Variants in ITGA7 observed in about 807,000 individuals in gnomAD.
The protein encoded by ITGA7 is integrin alpha-7.
Under a neutral mutation model 131.6 loss-of-function variants are expected in ITGA7, and 84 were observed. That is an observed-to-expected ratio of 0.64 (90% CI 0.54 to 0.77). The LOEUF is 0.77. ITGA7 is among the 30% of genes least tolerant of loss of function. The pLI is 0.00. For synonymous variants in ITGA7, 548 were observed against 600.7 expected, an observed-to-expected ratio of 0.91 and a Z score of 1.28; for missense variants, 1,399 against 1,482.9, an observed-to-expected ratio of 0.94 and a Z score of 0.93.
intron 4 of ITGA7, chr12:55,700,208 CAA>C: frequency 1.3e-6 from 2 of 1,561,898 alleles, no homozygotes; most frequent in Non-Finnish European, 8.7e-7. Flanking sequence ...AGAGAGAGGA[CAA>C]GAGAGAGGAG....
chr12:55,710,087 G>A (rs746293071), upstream of ITGA7, among the ~76,000 whole-genome samples: 16 of 152,200 alleles, frequency 1.1e-4, no homozygotes, highest in African/African-American at 2.7e-4. Context: ...GGGGCCGGGC[G>A]CGGTGGCTCA....
upstream of ITGA7, chr12:55,707,926 C>A: frequency 7.2e-7 from 1 of 1,383,806 alleles, no homozygotes; most frequent in South Asian, 1.5e-5. Context: ...CCTCCTCTCC[C>A]GGGGACGCCA....
Position 55,698,367 on chromosome 12 carries a change from C to A in ITGA7, c.1192+16G>T. 6.3e-7 allele frequency: 1 copy of A among 1,599,720 alleles called. No homozygotes were observed. Among genetic ancestry groups the A allele is most frequent in the African/African-American group, 1.3e-5 (1 of 74,370 alleles). On this transcript the variant is annotated intron_variant, in intron 7 of 24. Coordinates refer to ENST00000257879, the MANE Select transcript of ITGA7 (RefSeq NM_002206.3). ...TGGCCCCTCCCTCCCTGAGCCTTTC[C>A]AGTTCCCCGTCACACCTGGAAAGCC... is the stretch of plus-strand genomic sequence containing the variant.
chr12:55,698,020 G>A lies in ITGA7; in HGVS notation c.1199C>T (p.Ala400Val), dbSNP rs187755162. The A allele has an allele frequency of 1.8e-5, 29 of 1,613,816 alleles. No individual in the cohort carries two copies. The highest frequency in any genetic ancestry group is 2.5e-5 in the Non-Finnish European group (29 of 1,179,864). ...DLNQDGFPDI[A>V]VGAPFDGDGK... ...ATCACCATCAAAGGGGGCACCCACTGCAATATCTGCAGGGCACAGGGAAAA... is the reference window on the plus strand; with the variant it reads ...ATCACCATCAAAGGGGGCACCCACTACAATATCTGCAGGGCACAGGGAAAA... The change falls in exon 8 of 25, where the codon GCA becomes GTA. Residue 400 changes from alanine to valine, a missense_variant. Coordinates refer to ENST00000257879, the MANE Select transcript of ITGA7 (RefSeq NM_002206.3).
Position 55,688,109 on chromosome 12 carries a change from G to A in ITGA7, c.3058-13C>T, listed in dbSNP as rs1416285287. 2 of 1,613,994 alleles carry A rather than the reference G, an allele frequency of 1.2e-6. No homozygotes were observed. Among genetic ancestry groups the A allele is most frequent in the Admixed American group, 3.3e-5 (2 of 59,994 alleles). ...CCATCACTGGGATCTGGGGAGCAAG[G>A]GGTCAATGGAGCAAGAGGTCAATGG... is the stretch of plus-strand genomic sequence containing the variant. On this transcript the variant is annotated splice_polypyrimidine_tract_variant and intron_variant, in intron 23 of 24. Transcript: ENST00000257879.
chr12:55,703,742 T>A (rs1592481086), intron 1 of ITGA7, among the ~76,000 whole-genome samples: 1 of 151,958 alleles, frequency 6.6e-6, no homozygotes, highest in Non-Finnish European at 1.5e-5. Context: ...AGACCCCACC[T>A]CCCAGAAGCT....
chr12:55,712,303 A>G (rs1045550186), upstream of ITGA7: 8 of 1,477,376 alleles, frequency 5.4e-6, no homozygotes, highest in Non-Finnish European at 7.4e-6. Context: ...TTCTTTGAGC[A>G]CTGGCTTCAG....
At chr12:55,713,314 T>C (rs141257508), upstream of ITGA7, among the ~76,000 whole-genome samples, 7 of 152,308 alleles carry the variant, frequency 4.6e-5, no homozygotes, top group East Asian at 1.4e-3. Flanking sequence ...ACTCCTCCCC[T>C]GCCAGGATTC....
intron 4 of ITGA7, 45 bp downstream of exon 4, chr12:55,700,854 G>A (rs771060874): frequency 1.9e-6 from 3 of 1,613,408 alleles, no homozygotes; most frequent in Non-Finnish European, 2.5e-6. Context: ...TCTGAGGTAA[G>A]AGGAGGTTTT....
chr12:55,716,320 G>A, upstream of ITGA7: 2 of 1,495,752 alleles, frequency 1.3e-6, no homozygotes, highest in Non-Finnish European at 8.9e-7. Flanking sequence ...ACGGGCATGG[G>A]GGAGAGGGAA....
chr12:55,698,763 G>T lies in ITGA7; in HGVS notation c.945C>A (p.Arg315=). The T allele has an allele frequency of 1.2e-6, 2 of 1,614,140 alleles. No individual in the cohort carries two copies. The highest frequency in any genetic ancestry group is 8.5e-7 in the Non-Finnish European group (1 of 1,180,018). The change falls in exon 6 of 25, where the codon CGC becomes CGA. Residue 315 remains arginine, a synonymous_variant. Coordinates refer to ENST00000257879, the MANE Select transcript of ITGA7 (RefSeq NM_002206.3). Reference sequence around the variant, plus strand: ...GTGAGTAGCCAAAGCCGGAGGTCAGGCGCTCCCCAGACAGCATAACCTCGG... The same window carrying T: ...GTGAGTAGCCAAAGCCGGAGGTCAGTCGCTCCCCAGACAGCATAACCTCGG... The part of the protein sequence containing the change: ...LVPEVMLSGE[R]LTSGFGYSLA...
chr12:55,715,235 A>C (rs1269279093), upstream of ITGA7, among the ~76,000 whole-genome samples: 1 of 152,160 alleles, frequency 6.6e-6, no homozygotes, highest in African/African-American at 2.4e-5. Context: ...AGGGTTGAGA[A>C]CCACCGATTT....
upstream of ITGA7, among the ~76,000 whole-genome samples, chr12:55,709,215 C>T (rs1008191060): frequency 4.6e-5 from 7 of 152,184 alleles, no homozygotes; most frequent in African/African-American, 1.7e-4. Flanking sequence ...CTAGTGTTGT[C>T]TCTGCCCTTC....
At chr12:55,693,048 C>T (rs1023755131) in intron 20 of ITGA7, 73 bp from the exon 21 acceptor site, 1 of 1,612,040 alleles carries the variant, frequency 6.2e-7, no homozygotes, top group African/African-American at 1.3e-5. Flanking sequence ...CTCCTCCCCA[C>T]CGCCTTCCTC....
Position 55,693,304 on chromosome 12 carries a change from C to T in ITGA7, c.2549G>A (p.Gly850Asp). 1 of 1,613,852 alleles carries T rather than the reference C, an allele frequency of 6.2e-7. No homozygotes were observed. The highest frequency in any genetic ancestry group is 8.5e-7 in the Non-Finnish European group (1 of 1,179,944). Reference protein sequence around the residue: ...VKYEVTVSNQGQSLRTLGSAF... With the variant: ...VKYEVTVSNQDQSLRTLGSAF... The stretch of plus-strand genomic sequence containing the variant: ...AGAGCCCAGGGTTCTGAGCGACTGG[C>T]CTTGGTTGGAAACCTGTGGGAAAAA... Residue 850 changes from glycine (G) to aspartate (D), a missense_variant, in exon 20 of 25, where the codon GGC (glycine) becomes GAC (aspartate). Physicochemically the swap from Gly to Asp is moderately conservative, Grantham distance 94. Transcript: ENST00000257879.
upstream of ITGA7, among the ~76,000 whole-genome samples, chr12:55,709,669 C>T (rs182563130): frequency 1.3e-5 from 2 of 151,804 alleles, no homozygotes; most frequent in East Asian, 3.9e-4. Context: ...CTACTGACTC[C>T]CTGCCCAGGT....
chr12:55,696,233 C>T, intron 13 of ITGA7, 50 bp downstream of exon 13: 1 of 1,534,454 alleles, frequency 6.5e-7, no homozygotes, highest in East Asian at 2.4e-5. Flanking sequence ...GGACCATGAT[C>T]TTTGCCCTCC....
intron 22 of ITGA7, 100 bp downstream of exon 22, chr12:55,688,744 G>T (rs1194592744): frequency 9.1e-6 from 8 of 880,200 alleles, no homozygotes; most frequent in East Asian, 2.5e-5. Context: ...AAAGGGGGGG[G>T]ATGCTGCATT....
At position 55,694,918 on chromosome 12, in the gene ITGA7, C is replaced by A. The variant is rs779782773; in HGVS notation, c.2056G>T (p.Gly686Cys). Reference sequence around the variant, plus strand: ...AGGTTGGTGACCATCAGCTCCAGGCCAATGACTGGCTGCCCACTCAGTGCA... The same window carrying A: ...AGGTTGGTGACCATCAGCTCCAGGCAAATGACTGGCTGCCCACTCAGTGCA... ...LFALSGQPVI[G>C]LELMVTNLPS... is the part of the protein sequence containing the mutation. The change falls in exon 15 of 25, where the codon GGC becomes TGC. Residue 686 changes from glycine to cysteine, a missense_variant. Transcript: ENST00000257879. This position sits in a 1 kb window ranked among gnomAD's most constrained non-coding sequence, Gnocchi z 5.3. The A allele has an allele frequency of 1.2e-6, 2 of 1,613,900 alleles. No individual in the cohort carries two copies. The highest frequency in any genetic ancestry group is 2.7e-5 in the African/African-American group (2 of 74,908).
Sources: gnomAD v4.1 joint callset for allele counts (sites outside exome capture counted in the v4.1 genomes callset) on GRCh38, gnomAD v4.1.1 for gene constraint, Gnocchi (gnomAD v3.1) non-coding constraint, MANE v1.5 for transcripts, NCBI Gene and HGNC (gene_info 2026-07-23, HGNC 2026-07-21) for gene names.